The following TTLL6 variants were observed in gnomAD, a reference collection of about 807,000 sequenced individuals.
TTLL6 encodes tubulin tyrosine ligase like 6, also known as tubulin polyglutamylase TTLL6.
A neutral mutation model predicts 96.4 loss-of-function variants in TTLL6; 75 were observed. The ratio of observed to expected loss-of-function variants is 0.78; its 90% CI spans 0.65 to 0.94. The LOEUF (loss-of-function observed/expected upper bound fraction) is 0.94, where lower values mean the gene tolerates loss of function less well. Among genes scored for constraint, TTLL6 ranks in the 40% least tolerant of loss-of-function variants. The probability of loss-of-function intolerance (pLI) is 0.00; values close to 1 mark genes in which losing one functional copy is unlikely to be tolerated. For missense variants in TTLL6, 1,030 were observed against 1,093.0 expected, an observed-to-expected ratio of 0.94 and a Z score of 0.81; for synonymous variants, 411 against 419.4, an observed-to-expected ratio of 0.98 and a Z score of 0.24.
chr17:48,776,331 T>G (rs2038869899), intron 13 of TTLL6, among the ~76,000 whole-genome samples: 1 of 151,998 alleles, frequency 6.6e-6, no homozygotes, highest in South Asian at 2.1e-4. Context: ...TAGCCAGGTG[T>G]GCGCCTGTAG....
In TTLL6 at chr17:48,764,266, T is replaced by G. The variant is rs545067829; in HGVS notation, c.*1-1293A>C. Among the ~76,000 whole-genome samples, 7 of 152,334 alleles carry G rather than the reference T, an allele frequency of 4.6e-5. No individual in the cohort carries two copies. In the South Asian group the frequency reaches 1.5e-3, roughly 32 times the overall value. On this transcript the variant is annotated intron_variant, in intron 15 of 15. Coordinates refer to ENST00000393382, the MANE Select transcript of TTLL6 (RefSeq NM_001130918.3). Reference sequence around the variant, plus strand: ...GTCCAGAGGAAGAAGAATGATATTCTAGCCACTAAAGCAGAAAAATGCAGG... The same window carrying G: ...GTCCAGAGGAAGAAGAATGATATTCGAGCCACTAAAGCAGAAAAATGCAGG...
chr17:48,769,745 C>G lies in TTLL6; in HGVS notation c.2393G>C (p.Gly798Ala), dbSNP rs1308111139. ...GCACTCACGTGACAGGTTATTCATCCCCAGCTTGGGGTTGTAGTGAGCTGG... is the reference window on the plus strand; with the variant it reads ...GCACTCACGTGACAGGTTATTCATCGCCAGCTTGGGGTTGTAGTGAGCTGG... The part of the protein sequence containing the change: ...FFPAHYNPKL[G>A]MNNLSQNPSL... Residue 798 changes from glycine (G) to alanine (A), a missense_variant, in exon 14 of 16, where the codon GGG becomes GCG. Physicochemically the swap from Gly to Ala is moderately conservative, Grantham distance 60. Transcript: ENST00000393382. The G allele has an allele frequency of 1.2e-6, 2 of 1,613,920 alleles. No homozygotes were observed.
chr17:48,805,837 C>CA (rs2039497603), intron 1 of TTLL6, among the ~76,000 whole-genome samples: 3 of 151,966 alleles, frequency 2.0e-5, no homozygotes, highest in Non-Finnish European at 4.4e-5. Flanking sequence ...AGGCTAGGCG[C>CA]AGTGGCTTAC....
rs1273550680 is a variant in TTLL6 at position 48,811,137 on chromosome 17, C to T, written c.103+5833G>A. Among the ~76,000 whole-genome samples the T allele has an allele frequency of 5.8e-5, 8 of 137,008 alleles. No individual in the cohort carries two copies. The East Asian group carries it at 6.4e-4, about 11-fold the overall frequency. The allele number at this position is 137,008 out of a possible 152,430, so 89.9% of individuals were successfully genotyped here. A position where few individuals can be genotyped will look rare whatever the true frequency, so the allele number is the denominator to read the frequency against. On this transcript the variant is annotated intron_variant, in intron 1 of 15. Coordinates refer to ENST00000393382, the MANE Select transcript of TTLL6 (RefSeq NM_001130918.3). The stretch of plus-strand genomic sequence containing the variant: ...AGGCTAGAGTGCAGTGGCATGATTT[C>T]GGCTCACTGCAACCTCTGCTTCCTG...
chr17:48,808,447 G>A (rs1446624775), intron 1 of TTLL6, among the ~76,000 whole-genome samples: 4 of 151,988 alleles, frequency 2.6e-5, no homozygotes, highest in Admixed American at 2.6e-4. Flanking sequence ...ATATTCCCAT[G>A]TTGCTTCCCA....
intron 5 of TTLL6, 38 bp from the exon 6 acceptor site, chr17:48,799,798 T>TGG (rs1490873308): frequency 6.5e-7 from 1 of 1,531,894 alleles, no homozygotes; most frequent in African/African-American, 1.4e-5. Context: ...CATCTTTAGC[T>TGG]GGGGAGCAAT....
intron 12 of TTLL6, 84 bp from the exon 13 acceptor site, chr17:48,785,285 G>C: frequency 6.3e-7 from 1 of 1,574,966 alleles, no homozygotes; most frequent in Non-Finnish European, 8.6e-7. Context: ...AGGGGTAGGT[G>C]AAAAAGAGAT....
intron 10 of TTLL6, among the ~76,000 whole-genome samples, chr17:48,788,625 G>T (rs2039156283): frequency 6.6e-6 from 1 of 152,200 alleles, no homozygotes; most frequent in South Asian, 2.1e-4. Context: ...AGATGGCAGG[G>T]CATGGTGGAA....
intron 13 of TTLL6, among the ~76,000 whole-genome samples, chr17:48,778,688 T>G (rs1427785548): frequency 6.6e-6 from 1 of 151,374 alleles, no homozygotes; most frequent in Non-Finnish European, 1.5e-5. Context: ...TCCTAGCACT[T>G]TGGGAGGCTG....
chr17:48,776,663 A>C (rs1023258135), intron 13 of TTLL6, among the ~76,000 whole-genome samples: 1 of 152,228 alleles, frequency 6.6e-6, no homozygotes, highest in African/African-American at 2.4e-5. Flanking sequence ...AAATTAGAGA[A>C]TATCTAAATA....
rs869128908 is a variant in TTLL6 at position 48,774,089 on chromosome 17, AAC to A, written c.2041-3994_2041-3993del. Among the ~76,000 whole-genome samples, 28 of 103,484 alleles carry A rather than the reference AAC, an allele frequency of 2.7e-4. 1 individual carries two copies. Among genetic ancestry groups the A allele is most frequent in the Non-Finnish European group, 5.1e-4 (26 of 51,466 alleles). 67.9% of individuals were successfully genotyped at this position (103,484 alleles called of 152,430 possible). A position where few individuals can be genotyped will look rare whatever the true frequency, so the allele number is the denominator to read the frequency against. ...AAGAGCAAAACTCCATCTCAAAAAA[AAC>A]AAAACAAAAAAAAAAAAAAAACAAG... is the stretch of plus-strand genomic sequence containing the variant. On this transcript the variant is annotated intron_variant, in intron 13 of 15. Transcript: ENST00000393382.
intron 5 of TTLL6, chr17:48,800,235 A>C: frequency 6.5e-6 from 1 of 155,000 alleles, no homozygotes; most frequent in Non-Finnish European, 1.4e-5. Context: ...TGGATCCGTC[A>C]GTCTCTCACC....
chr17:48,807,372 T>C (rs984251107), intron 1 of TTLL6, among the ~76,000 whole-genome samples: 1 of 152,258 alleles, frequency 6.6e-6, no homozygotes, highest in Non-Finnish European at 1.5e-5. Context: ...ATTACAAGTG[T>C]GAGCCACCGT....
chr17:48,786,504 G>A (rs935749150), intron 11 of TTLL6, among the ~76,000 whole-genome samples, 169 bp from the exon 12 acceptor site: 4 of 152,228 alleles, frequency 2.6e-5, no homozygotes, highest in African/African-American at 9.6e-5. Flanking sequence ...GCAGGGTGTG[G>A]AGGAAAGCAT....
At chr17:48,789,859 GGACA>G in intron 10 of TTLL6, 68 bp downstream of exon 10, 2 of 1,542,938 alleles carry the variant, frequency 1.3e-6, no homozygotes, top group Non-Finnish European at 1.8e-6. Context: ...ACCCGGCCCA[GGACA>G]GATCATTCTT....
At chr17:48,805,098 G>A in intron 1 of TTLL6, 107 bp from the exon 2 acceptor site, 1 of 908,096 alleles carries the variant, frequency 1.1e-6, no homozygotes, top group East Asian at 2.6e-5. Context: ...AACGCAACAG[G>A]TTGCAGTTTA....
intron 13 of TTLL6, among the ~76,000 whole-genome samples, chr17:48,779,304 A>C (rs1056682925): frequency 2.7e-5 from 4 of 147,420 alleles, no homozygotes; most frequent in African/African-American, 9.9e-5. Flanking sequence ...CAGTGAGCCA[A>C]GACTGTGCTA....
rs781691066 is a variant in TTLL6, at chr17:48,769,826, T to C, written c.2312A>G (p.His771Arg). Residue 771 changes from histidine (H) to arginine (R), a missense_variant, in exon 14 of 16, where the codon CAT (histidine) becomes CGT (arginine). Transcript: ENST00000393382. The stretch of plus-strand genomic sequence containing the variant: ...CTTGGTGAGTAGCTCGGATATCAAA[T>C]GTGGCTTGTTCATGTCACTCTTTAG... The part of the protein sequence containing the change: ...TLLKSDMNKP[H>R]LISELLTKLQ... 2.7e-5 allele frequency: 44 copies of C among 1,614,152 alleles called. No homozygotes were observed. The highest frequency in any genetic ancestry group is 3.3e-5 in the Admixed American group (2 of 60,008).
rs145832180 is a variant in TTLL6 at position 48,770,510 on chromosome 17, G to GTTA, written c.2041-416_2041-414dup. 6.1e-3 allele frequency among the ~76,000 whole-genome samples: 904 copies of GTTA among 147,852 alleles called. 11 individuals carry two copies. Among genetic ancestry groups the GTTA allele is most frequent in the East Asian group, 0.02 (99 of 5,068 alleles). On this transcript the variant is annotated intron_variant, in intron 13 of 15. Transcript: ENST00000393382. ...AACAATAGGTATTATTATTGTTGTT[G>GTTA]TTATTATTATTATTATTATTATTTG...
Sources: gnomAD v4.1 joint callset for allele counts (sites outside exome capture counted in the v4.1 genomes callset) on GRCh38, gnomAD v4.1.1 for gene constraint, MANE v1.5 for transcripts, NCBI Gene and HGNC (gene_info 2026-07-23, HGNC 2026-07-21) for gene names.